The following ITPR3 variants were observed in gnomAD, a reference collection of about 807,000 sequenced individuals.
ITPR3 encodes the protein inositol 1,4,5-trisphosphate receptor type 3, also known as inositol 1,4,5-trisphosphate-gated calcium channel ITPR3.
Under a neutral mutation model 293.2 loss-of-function variants are expected in ITPR3, and 173 were observed. That is an observed-to-expected ratio of 0.59 (90% CI 0.52 to 0.67). ITPR3 has a LOEUF of 0.67. Ranked by LOEUF, ITPR3 falls within the 30% of genes least tolerant of loss-of-function variation. ITPR3 has a pLI of 0.00. For synonymous variants in ITPR3, 1,295 were observed against 1,444.4 expected (o/e 0.90, Z 2.35); for missense variants, 2,796 against 3,592.1 (o/e 0.78, Z 5.66).
chr6:33,688,505 G>A, intron 48 of ITPR3, 74 bp downstream of exon 48: 1 of 1,497,528 alleles, frequency 6.7e-7, no homozygotes, highest in Non-Finnish European at 8.9e-7. Flanking sequence ...GGCCTCCTTT[G>A]CCTGCCTGTG....
chr6:33,662,280 G>C (rs1460147654), intron 7 of ITPR3, among the ~76,000 whole-genome samples: 2 of 152,076 alleles, frequency 1.3e-5, no homozygotes, highest in African/African-American at 4.8e-5. Context: ...GTCCAGGGTG[G>C]GTTTGAACAT....
At chr6:33,694,707 G>T in intron 56 of ITPR3, 1 of 568,656 alleles carries the variant, frequency 1.8e-6, no homozygotes, top group Admixed American at 3.3e-5. Context: ...ACGGAAGTCA[G>T]CCTGTCTCGG....
At chr6:33,685,589 A>AG (rs991338447) in intron 40 of ITPR3, 54 bp from the exon 41 acceptor site, 14 of 1,594,110 alleles carry the variant, frequency 8.8e-6, no homozygotes, top group Non-Finnish European at 1.7e-6. Flanking sequence ...TAAGATGTGC[A>AG]GGGGGGTGGC....
chr6:33,686,946 A>G, intron 43 of ITPR3, 63 bp from the exon 44 acceptor site: 2 of 1,287,248 alleles, frequency 1.6e-6, no homozygotes, highest in East Asian at 2.3e-5. Context: ...GGAATGAGGG[A>G]GAAGTTGTCA....
Position 33,663,880 on chromosome 6 carries a change from G to T in ITPR3, c.1148G>T (p.Arg383Leu). The change falls in exon 11 of 58, where the codon CGG (arginine) becomes CTG (leucine). Residue 383 changes from arginine to leucine, a missense_variant and splice_region_variant. Coordinates refer to ENST00000605930, the MANE Select transcript of ITPR3 (RefSeq NM_002224.4). Reference protein sequence around the residue: ...TLQKTDSFVPRNSYVRLRHLC... With the variant: ...TLQKTDSFVPLNSYVRLRHLC... ...CAGAAAACCGACTCTTTCGTGCCCCGGTGGGTATGCGCCATGTGCCTGGGA... is the reference window on the plus strand; with the variant it reads ...CAGAAAACCGACTCTTTCGTGCCCCTGTGGGTATGCGCCATGTGCCTGGGA... The T allele has an allele frequency of 6.2e-7, 1 of 1,614,014 alleles. No individual in the cohort carries two copies. Among genetic ancestry groups the T allele is most frequent in the Non-Finnish European group, 8.5e-7 (1 of 1,179,978 alleles).
At chr6:33,695,685 G>C (rs746840049) in intron 57 of ITPR3, 27 bp from the exon 58 acceptor site, 6 of 1,613,146 alleles carry the variant, frequency 3.7e-6, no homozygotes, top group Non-Finnish European at 5.1e-6. Flanking sequence ...GGCCTGACCA[G>C]GCCTGTTGGC....
rs1260874462 is a variant in ITPR3, at chr6:33,655,111, T to A, written c.161-655T>A. On this transcript the variant is annotated intron_variant, in intron 2 of 57. Coordinates refer to ENST00000605930, the MANE Select transcript of ITPR3 (RefSeq NM_002224.4). This position sits in a 1 kb window ranked among gnomAD's most constrained non-coding sequence, Gnocchi z 4.9. ...AGATTCCTAGAAGCAGAGCCTAAGA[T>A]GGGTGAATTCTTGAGGAAGTTCTCA... is the stretch of plus-strand genomic sequence containing the variant. Among the ~76,000 whole-genome samples, 1 of 152,222 alleles carries A rather than the reference T, an allele frequency of 6.6e-6. No homozygotes were observed. Among genetic ancestry groups the A allele is most frequent in the African/African-American group, 2.4e-5 (1 of 41,462 alleles).
intron 2 of ITPR3, among the ~76,000 whole-genome samples, chr6:33,647,377 A>T (rs1764093092): frequency 6.6e-6 from 1 of 152,180 alleles, no homozygotes; most frequent in Non-Finnish European, 1.5e-5. Flanking sequence ...GGAGTTTCCC[A>T]TCTTAACCAT....
chr6:33,662,592 G>C lies in ITPR3; in HGVS notation c.776G>C (p.Gly259Ala), dbSNP rs1370744056. ...TTCCTGACGTGTGACGAGTACAAGG[G>C]CAAGCTGCAGGTGTTCCTGCGAACT... ...EKFLTCDEYK[G>A]KLQVFLRTTL... The change falls in exon 8 of 58, where the codon GGC becomes GCC. Residue 259 changes from glycine to alanine, a missense_variant. This residue lies in a region of ITPR3 where 955 missense variants were observed against 1,180.8 expected (regional missense o/e 0.81). Transcript: ENST00000605930. The C allele has an allele frequency of 6.2e-7, 1 of 1,612,176 alleles. No homozygotes were observed.
rs780341177 is a variant in ITPR3 at position 33,691,895 on chromosome 6, C to T, written c.7425C>T (p.Gly2475=). ...ACCATGGGCTACGCAACGGTGGTGGCGTGGGCGACATTCTCCGCAAGCCCT... is the reference window on the plus strand; with the variant it reads ...ACCATGGGCTACGCAACGGTGGTGGTGTGGGCGACATTCTCCGCAAGCCCT... ...VMNHGLRNGG[G]VGDILRKPSK... is the part of the protein sequence containing the mutation. The change falls in exon 54 of 58, where the codon GGC becomes GGT. Residue 2475 remains glycine, a synonymous_variant. Transcript: ENST00000605930. This position sits in a 1 kb window ranked among gnomAD's most constrained non-coding sequence, Gnocchi z 4.9. 9 of 1,613,946 alleles carry T rather than the reference C, an allele frequency of 5.6e-6. No individual in the cohort carries two copies. Among genetic ancestry groups the T allele is most frequent in the Admixed American group, 1.7e-5 (1 of 59,996 alleles).
chr6:33,656,008 A>C, intron 3 of ITPR3, 121 bp downstream of exon 3: 1 of 1,305,130 alleles, frequency 7.7e-7, no homozygotes, highest in South Asian at 1.4e-5. Flanking sequence ...GGTTTCTAAA[A>C]CTCGTATGGG....
chr6:33,659,002 G>T lies in ITPR3; in HGVS notation c.529-19G>T. 2 of 1,613,218 alleles carry T rather than the reference G, an allele frequency of 1.2e-6. No individual in the cohort carries two copies. On this transcript the variant is annotated intron_variant, in intron 5 of 57. Transcript: ENST00000605930. ...GGGCCCTGCCCTTCCCACCTAACCT[G>T]TCCCACCTGTCTGCTCAGGTGGTCG...
chr6:33,670,642 C>A lies in ITPR3; in HGVS notation c.2442-29C>A, dbSNP rs376122914. On this transcript the variant is annotated intron_variant, in intron 19 of 57. Transcript: ENST00000605930. This position sits in a 1 kb window ranked among gnomAD's most constrained non-coding sequence, Gnocchi z 6.7. ...GGCTGGAGTGGGTGTATCTCGGGGACCTTCATGCCTCATGGCCTCCACCCT... is the reference window on the plus strand; with the variant it reads ...GGCTGGAGTGGGTGTATCTCGGGGAACTTCATGCCTCATGGCCTCCACCCT... The A allele has an allele frequency of 1.2e-4, 191 of 1,613,464 alleles. No individual in the cohort carries two copies. The highest frequency in any genetic ancestry group is 3.3e-4 in the Middle Eastern group (2 of 6,082).
intron 1 of ITPR3, among the ~76,000 whole-genome samples, chr6:33,639,001 G>A (rs867254015): frequency 6.6e-6 from 1 of 152,212 alleles, no homozygotes; most frequent in Admixed American, 6.5e-5. Flanking sequence ...GAGCTCCAGG[G>A]ACCTTGGGAT....
chr6:33,693,447 A>G (rs1765450267), intron 55 of ITPR3, 98 bp from the exon 56 acceptor site: 2 of 1,324,670 alleles, frequency 1.5e-6, no homozygotes. Context: ...CCCGAGAACA[A>G]ATGCCTCCAA....
Position 33,696,266 on chromosome 6 carries a change from G to C in ITPR3, c.*486G>C, listed in dbSNP as rs1432701069. ...GCTCAGCCCTGCCCATGGCTGTGCAGCTCCCTCCGTGCCTCAGATCTGCTG... is the reference window on the plus strand; with the variant it reads ...GCTCAGCCCTGCCCATGGCTGTGCACCTCCCTCCGTGCCTCAGATCTGCTG... On this transcript the variant is annotated 3_prime_UTR_variant, in exon 58 of 58. Transcript: ENST00000605930. 6.0e-6 allele frequency: 1 copy of C among 167,646 alleles called. No individual in the cohort carries two copies. Among genetic ancestry groups the C allele is most frequent in the Non-Finnish European group, 1.3e-5 (1 of 75,794 alleles). The allele number at this position is 167,646 out of a possible 1,614,324, so 10.4% of individuals were successfully genotyped here.
In ITPR3 at chr6:33,684,281, G is replaced by A; in HGVS notation, c.4938-76G>A. 2 of 1,594,218 alleles carry A rather than the reference G, an allele frequency of 1.3e-6. No individual in the cohort carries two copies. Among genetic ancestry groups the A allele is most frequent in the South Asian group, 2.2e-5 (2 of 90,606 alleles). ...GGTCAGAGGGCCTGGGGGTGTTCCT[G>A]CCTGGGATGGGGTGGGGAAGTAGCT... On this transcript the variant is annotated intron_variant, in intron 36 of 57. Coordinates refer to ENST00000605930, the MANE Select transcript of ITPR3 (RefSeq NM_002224.4). This position sits in a 1 kb window ranked among gnomAD's most constrained non-coding sequence, Gnocchi z 4.2.
At chr6:33,622,475 C>A (rs1763461679) in intron 1 of ITPR3, among the ~76,000 whole-genome samples, 1 of 152,196 alleles carries the variant, frequency 6.6e-6, no homozygotes, top group South Asian at 2.1e-4. Context: ...ATGGGTTTAT[C>A]TTCAGAGGAG....
intron 33 of ITPR3, among the ~76,000 whole-genome samples, chr6:33,680,976 A>G (rs1202234345): frequency 6.6e-6 from 1 of 152,008 alleles, no homozygotes; most frequent in Non-Finnish European, 1.5e-5. Flanking sequence ...GCCCGCCACC[A>G]CGCCCAGCTA....
Sources: gnomAD v4.1 joint callset for allele counts (sites outside exome capture counted in the v4.1 genomes callset) on GRCh38, gnomAD v4.1.1 for gene constraint, gnomAD v4.1.1 regional missense constraint, Gnocchi (gnomAD v3.1) non-coding constraint, MANE v1.5 for transcripts, NCBI Gene and HGNC (gene_info 2026-07-23, HGNC 2026-07-21) for gene names.